Variants in CCDC73 observed in about 807,000 individuals in gnomAD.
CCDC73 encodes coiled-coil domain containing 73, also known as coiled-coil domain-containing protein 73.
Under a neutral mutation model 116.5 loss-of-function variants are expected in CCDC73, and 95 were observed. The observed-to-expected ratio is 0.82, with a 90% CI of 0.69 to 0.97. The LOEUF (loss-of-function observed/expected upper bound fraction) is 0.97. CCDC73 is among the 50% of genes least tolerant of loss of function. CCDC73 has a pLI of 0.00. For missense variants in CCDC73, 1,066 were observed against 1,206.8 expected (o/e 0.88, Z 1.73); for synonymous variants, 398 against 401.3 (o/e 0.99, Z 0.10).
At chr11:32,729,271 T>C (rs1322560234) in intron 2 of CCDC73, among the ~76,000 whole-genome samples, 1 of 152,222 alleles carries the variant, frequency 6.6e-6, no homozygotes, top group Non-Finnish European at 1.5e-5. Context: ...ATATGCAGTG[T>C]TTGGTTTTCT....
At chr11:32,690,239 A>T (rs930320377) in intron 6 of CCDC73, among the ~76,000 whole-genome samples, 1 of 152,184 alleles carries the variant, frequency 6.6e-6, no homozygotes, top group Non-Finnish European at 1.5e-5. Context: ...AAGAAAACAC[A>T]CAAATATTTT....
At chr11:32,726,799 T>C (rs573364706) in intron 2 of CCDC73, among the ~76,000 whole-genome samples, 13 of 152,138 alleles carry the variant, frequency 8.5e-5, no homozygotes, top group African/African-American at 2.9e-4. Context: ...TAGCAAAAAA[T>C]AAAATACCCA....
chr11:32,717,584 T>G (rs1173316859), intron 3 of CCDC73, among the ~76,000 whole-genome samples: 1 of 152,172 alleles, frequency 6.6e-6, no homozygotes, highest in African/African-American at 2.4e-5. Flanking sequence ...GATTTTAAAA[T>G]AATCCACTAA....
chr11:32,613,595 C>T lies in CCDC73; in HGVS notation c.2723G>A (p.Gly908Asp). The change falls in exon 16 of 18, where the codon GGT becomes GAT. Residue 908 changes from glycine (G) to aspartate (D), a missense_variant. Gly to Asp is a moderately conservative substitution (Grantham distance 94, BLOSUM62 -1). Transcript: ENST00000335185. ...AATGTGATTTACTTTTGACCAAGGA[C>T]CGGGGTCTGAAAAATTCATGTATAC... ...TPVYMNFSDPGPWSKVNHIES... is the reference protein window; with the variant it reads ...TPVYMNFSDPDPWSKVNHIES... The T allele has an allele frequency of 1.9e-6, 3 of 1,614,046 alleles. No homozygotes were observed. The highest frequency in any genetic ancestry group is 1.7e-6 in the Non-Finnish European group (2 of 1,179,992).
chr11:32,702,008 C>T (rs1054306417), intron 4 of CCDC73, among the ~76,000 whole-genome samples: 3 of 152,182 alleles, frequency 2.0e-5, no homozygotes, highest in African/African-American at 4.8e-5. Context: ...TTGCTCTTTC[C>T]TAGAGAATAC....
rs1855447345 is a variant in CCDC73 at position 32,613,978 on chromosome 11, G to T, written c.2340C>A (p.Asn780Lys). 6.2e-7 allele frequency: 1 copy of T among 1,610,720 alleles called. No homozygotes were observed. The highest frequency in any genetic ancestry group is 1.3e-5 in the African/African-American group (1 of 74,902). Residue 780 changes from asparagine (N) to lysine (K), a missense_variant, in exon 16 of 18, where the codon AAC becomes AAA. Transcript: ENST00000335185. ...CTTGTGAAGCATGACTATTCTCATT[G>T]TTAAGATGAAGATGGGAAATGTTCA... ...TNVNISHLHL[N>K]NENSHASQAK... is the part of the protein sequence containing the mutation.
At chr11:32,744,635 G>A (rs779302567) in intron 2 of CCDC73, among the ~76,000 whole-genome samples, 1 of 152,120 alleles carries the variant, frequency 6.6e-6, no homozygotes, top group Non-Finnish European at 1.5e-5. Context: ...TTTAGTCTTG[G>A]AAGGGTGTAT....
intron 12 of CCDC73, among the ~76,000 whole-genome samples, chr11:32,648,484 G>A (rs926737272): frequency 1.3e-5 from 2 of 151,956 alleles, no homozygotes; most frequent in African/African-American, 4.8e-5. Context: ...CTGCTATGAT[G>A]TGCCAGACAC....
chr11:32,715,496 A>ATG (rs1554966464), intron 3 of CCDC73, among the ~76,000 whole-genome samples: 2 of 117,522 alleles, frequency 1.7e-5, no homozygotes, highest in East Asian at 3.7e-4. Flanking sequence ...ACTGATACAC[A>ATG]CGCACACACA....
At chr11:32,678,599 G>A (rs1268875050) in intron 7 of CCDC73, among the ~76,000 whole-genome samples, 2 of 151,724 alleles carry the variant, frequency 1.3e-5, no homozygotes, top group African/African-American at 2.4e-5. Context: ...AAATATTCAC[G>A]AAGGGCTGGG....
At chr11:32,796,866 C>A (rs562214861), upstream of CCDC73, among the ~76,000 whole-genome samples, 153 of 151,872 alleles carry the variant, frequency 1.0e-3, no homozygotes, top group African/African-American at 3.5e-3. Flanking sequence ...AAAAATGAGC[C>A]GGGCATGGTG....
chr11:32,733,857 G>C (rs1850101638), intron 2 of CCDC73, among the ~76,000 whole-genome samples: 1 of 152,144 alleles, frequency 6.6e-6, no homozygotes, highest in Admixed American at 6.5e-5. Flanking sequence ...ACAATTAAAA[G>C]AACTAGAGAA....
intron 1 of CCDC73, among the ~76,000 whole-genome samples, chr11:32,772,197 T>C (rs921405546): frequency 6.6e-6 from 1 of 152,256 alleles, no homozygotes; most frequent in Non-Finnish European, 1.5e-5. Flanking sequence ...AGTTTAATTT[T>C]TTTTATTCTG....
At chr11:32,735,828 C>T (rs556311456) in intron 2 of CCDC73, among the ~76,000 whole-genome samples, 17 of 152,242 alleles carry the variant, frequency 1.1e-4, no homozygotes, top group African/African-American at 3.9e-4. Flanking sequence ...ACCAATGGAA[C>T]AGAACAGAGC....
intron 1 of CCDC73, among the ~76,000 whole-genome samples, chr11:32,785,477 C>A (rs754465173): frequency 6.6e-6 from 1 of 152,176 alleles, no homozygotes; most frequent in South Asian, 2.1e-4. Flanking sequence ...TCACAGCTCA[C>A]TGAAGCCTTG....
chr11:32,624,734 T>C (rs931100284), intron 14 of CCDC73, among the ~76,000 whole-genome samples: 1 of 152,232 alleles, frequency 6.6e-6, no homozygotes, highest in Non-Finnish European at 1.5e-5. Context: ...CGTATGTTTG[T>C]TGTGGCACTA....
the CCDC73 span, among the ~76,000 whole-genome samples, chr11:32,820,489 A>C: frequency 6.6e-6 from 1 of 152,220 alleles, no homozygotes; most frequent in Admixed American, 6.5e-5. Flanking sequence ...AATGATAAGT[A>C]GAATATAGAA....
chr11:32,639,852 TAA>T (rs1855716797), intron 13 of CCDC73, among the ~76,000 whole-genome samples: 1 of 152,226 alleles, frequency 6.6e-6, no homozygotes, highest in Non-Finnish European at 1.5e-5. Context: ...CTAGTCAAAA[TAA>T]AAAGATATAC....
the CCDC73 span, among the ~76,000 whole-genome samples, chr11:32,802,248 G>A: frequency 6.6e-6 from 1 of 152,042 alleles, no homozygotes; most frequent in African/African-American, 2.4e-5. Context: ...TATATGAAAT[G>A]TCTAATTAAT....
Sources: allele counts gnomAD v4.1 joint callset (sites outside exome capture counted in the v4.1 genomes callset), GRCh38; gene constraint gnomAD v4.1.1; transcripts MANE v1.5; gene names NCBI Gene and HGNC (gene_info 2026-07-23, HGNC 2026-07-21).